DPP10: variants seen among roughly 807,000 people sequenced by gnomAD.
DPP10 encodes inactive dipeptidyl peptidase 10.
A neutral mutation model predicts 120.9 loss-of-function variants in DPP10; 33 were observed. The ratio of observed to expected loss-of-function variants is 0.27; its 90% CI spans 0.21 to 0.37. DPP10 has a LOEUF of 0.37. Ranked by LOEUF, DPP10 falls within the 10% of genes least tolerant of loss-of-function variation. The pLI is 1.00. For missense variants in DPP10, 816 were observed against 942.8 expected, an observed-to-expected ratio of 0.87 and a Z score of 1.76; for synonymous variants, 337 against 326.1, an observed-to-expected ratio of 1.03 and a Z score of -0.36.
intron 3 of DPP10, among the ~76,000 whole-genome samples, chr2:115,403,832 A>T (rs1461056271): frequency 6.6e-6 from 1 of 152,226 alleles, no homozygotes; most frequent in Non-Finnish European, 1.5e-5. Flanking sequence ...AGATGATCTT[A>T]TGTGTAAAAC....
At chr2:115,841,574 C>T (rs1489307921) in intron 25 of DPP10, among the ~76,000 whole-genome samples, 1 of 152,086 alleles carries the variant, frequency 6.6e-6, no homozygotes, top group Non-Finnish European at 1.5e-5. Context: ...TACAGATAAA[C>T]AAATGTCAGG....
At chr2:114,478,612 A>G (rs1404283781) in intron 1 of DPP10, among the ~76,000 whole-genome samples, 6 of 152,248 alleles carry the variant, frequency 3.9e-5, no homozygotes, top group African/African-American at 1.2e-4. Context: ...GAAGGATGAA[A>G]GGAGAAGGCA....
At chr2:115,074,491 A>C (rs1707628503) in intron 1 of DPP10, among the ~76,000 whole-genome samples, 1 of 152,210 alleles carries the variant, frequency 6.6e-6, no homozygotes, top group South Asian at 2.1e-4. Context: ...CAGGATGGAA[A>C]TGCAATCGCA....
At chr2:114,957,032 AG>A (rs2104687102) in intron 1 of DPP10, among the ~76,000 whole-genome samples, 1 of 151,730 alleles carries the variant, frequency 6.6e-6, no homozygotes, top group Non-Finnish European at 1.5e-5. Flanking sequence ...ATCTGAGCAA[AG>A]GTTTCTTGGA....
intron 1 of DPP10, among the ~76,000 whole-genome samples, chr2:115,260,736 A>C (rs1273018453): frequency 1.3e-5 from 2 of 152,146 alleles, no homozygotes; most frequent in Non-Finnish European, 2.9e-5. Flanking sequence ...TAGTGTTTTA[A>C]ATTTTTTTGG....
At chr2:114,962,800 A>T (rs1698744703) in intron 1 of DPP10, among the ~76,000 whole-genome samples, 1 of 152,178 alleles carries the variant, frequency 6.6e-6, no homozygotes, top group South Asian at 2.1e-4. Context: ...GTTGAGCCCT[A>T]ATTTAAATCA....
intron 1 of DPP10, among the ~76,000 whole-genome samples, chr2:114,919,564 G>A (rs1449283163): frequency 6.6e-6 from 1 of 152,078 alleles, no homozygotes; most frequent in African/African-American, 2.4e-5. Context: ...AACGCAAGTT[G>A]CAACTGTATC....
intron 1 of DPP10, among the ~76,000 whole-genome samples, chr2:114,941,753 T>C (rs971262799): frequency 9.8e-5 from 15 of 152,300 alleles, no homozygotes; most frequent in Middle Eastern, 3.4e-3. Flanking sequence ...AGACTCAGTG[T>C]TGACAAGCAA....
chr2:114,942,340 C>CATATATATATACATATATATAT (rs1558904069), intron 1 of DPP10, among the ~76,000 whole-genome samples: 6 of 108,338 alleles, frequency 5.5e-5, no homozygotes, highest in Non-Finnish European at 1.0e-4. Context: ...TATATATATA[C>CATATATATATACATATATATAT]GTATATATAC....
chr2:115,232,727 T>G (rs1322077025), intron 1 of DPP10, among the ~76,000 whole-genome samples: 1 of 152,252 alleles, frequency 6.6e-6, no homozygotes, highest in African/African-American at 2.4e-5. Context: ...ACATATTGAA[T>G]GAAGTCAATG....
At chr2:114,480,672 A>G (rs1482999456) in intron 1 of DPP10, among the ~76,000 whole-genome samples, 1 of 137,120 alleles carries the variant, frequency 7.3e-6, no homozygotes, top group Non-Finnish European at 1.5e-5. Context: ...ACACATGGAC[A>G]CAGGAAGGGG....
At chr2:115,827,707 T>A (rs1043194324) in intron 21 of DPP10, among the ~76,000 whole-genome samples, 11 of 151,826 alleles carry the variant, frequency 7.2e-5, no homozygotes, top group African/African-American at 2.7e-4. Flanking sequence ...GCGATTCTCC[T>A]GCCTCAGCCT....
intron 3 of DPP10, among the ~76,000 whole-genome samples, chr2:115,402,632 G>C (rs1399063425): frequency 6.8e-6 from 1 of 147,554 alleles, no homozygotes; most frequent in East Asian, 2.0e-4. Context: ...CACAGAGACT[G>C]AATCAGTTTA....
At chr2:114,779,720 C>T (rs764537272) in intron 1 of DPP10, among the ~76,000 whole-genome samples, 1 of 152,140 alleles carries the variant, frequency 6.6e-6, no homozygotes, top group African/African-American at 2.4e-5. Context: ...GCTAAAGTAA[C>T]CTGATAGACC....
At chr2:115,764,162 GT>G (rs1417642700) in intron 12 of DPP10, among the ~76,000 whole-genome samples, 1 of 151,676 alleles carries the variant, frequency 6.6e-6, no homozygotes, top group East Asian at 1.9e-4. Context: ...ACATGAGGAT[GT>G]TTTTTACTTC....
chr2:114,992,452 A>G (rs1316262046), intron 1 of DPP10, among the ~76,000 whole-genome samples: 1 of 152,196 alleles, frequency 6.6e-6, no homozygotes, highest in African/African-American at 2.4e-5. Flanking sequence ...TCAGGATCCA[A>G]TCCAAGTCCT....
chr2:115,341,144 C>T (rs1477687417), intron 2 of DPP10, among the ~76,000 whole-genome samples: 1 of 151,986 alleles, frequency 6.6e-6, no homozygotes, highest in South Asian at 2.1e-4. Flanking sequence ...GATATTTTTT[C>T]GCTTGTGAAA....
chr2:115,110,062 A>C (rs1050313436), intron 1 of DPP10, among the ~76,000 whole-genome samples: 2 of 152,196 alleles, frequency 1.3e-5, no homozygotes, highest in African/African-American at 2.4e-5. Context: ...AGGATTAGTG[A>C]AGTAAACTCT....
intron 1 of DPP10, among the ~76,000 whole-genome samples, chr2:115,077,767 A>G (rs1707922630): frequency 6.6e-6 from 1 of 152,128 alleles, no homozygotes; most frequent in Non-Finnish European, 1.5e-5. Flanking sequence ...GATTTCCCTG[A>G]CTCACTTGTT....
Sources: allele counts gnomAD v4.1 joint callset (sites outside exome capture counted in the v4.1 genomes callset), GRCh38; gene constraint gnomAD v4.1.1; transcripts MANE v1.5; gene names NCBI Gene and HGNC (gene_info 2026-07-23, HGNC 2026-07-21).